Variants in DNM2 observed in about 807,000 individuals in gnomAD.
DNM2 encodes dynamin 2, also known as dynamin-2.
A neutral mutation model predicts 99.0 loss-of-function variants in DNM2; 15 were observed. The ratio of observed to expected loss-of-function variants is 0.15; its 90% CI spans 0.10 to 0.23. DNM2 has a LOEUF of 0.23. Among genes scored for constraint, DNM2 ranks in the 10% least tolerant of loss-of-function variants. The pLI, the probability that DNM2 is intolerant of heterozygous loss-of-function variation, is 1.00. For synonymous variants in DNM2, 525 were observed against 481.2 expected (o/e 1.09, Z -1.19); for missense variants, 742 against 1,189.4 (o/e 0.62, Z 5.53).
chr19:10,790,428 T>G (rs1334073964), intron 7 of DNM2, among the ~76,000 whole-genome samples: 2 of 152,182 alleles, frequency 1.3e-5, no homozygotes, highest in Admixed American at 1.3e-4. Flanking sequence ...GTGTTTAAAA[T>G]TGATTTTTAA....
chr19:10,777,762 T>G (rs1457109632), intron 5 of DNM2, among the ~76,000 whole-genome samples: 1 of 151,708 alleles, frequency 6.6e-6, no homozygotes, highest in Non-Finnish European at 1.5e-5. Context: ...GCCCAGCTAG[T>G]TTTTGTATTT....
chr19:10,785,946 C>A (rs917858994), intron 6 of DNM2, among the ~76,000 whole-genome samples: 1 of 151,702 alleles, frequency 6.6e-6, no homozygotes, highest in Admixed American at 6.6e-5. Flanking sequence ...CTACAGGCAC[C>A]CACCACCACA....
At chr19:10,718,570 G>A (rs1190814429) in intron 1 of DNM2, 167 bp downstream of exon 1, 25 of 1,048,990 alleles carry the variant, frequency 2.4e-5, no homozygotes, top group Non-Finnish European at 3.0e-5. Flanking sequence ...CCTGGGCAGA[G>A]GACTCCCTGC....
chr19:10,824,097 AG>A (rs1245500184), intron 17 of DNM2, 198 bp downstream of exon 17: 24 of 601,618 alleles, frequency 4.0e-5, no homozygotes, highest in Non-Finnish European at 6.3e-5. Flanking sequence ...CCCTCACGGA[AG>A]CCAGTGACCG....
At chr19:10,724,524 C>T (rs1474317442) in intron 1 of DNM2, among the ~76,000 whole-genome samples, 1 of 152,120 alleles carries the variant, frequency 6.6e-6, no homozygotes, top group East Asian at 1.9e-4. Flanking sequence ...TTGAGCAGAG[C>T]CTTGAAGGAG....
At chr19:10,803,561 G>A in intron 12 of DNM2, 1 of 929,692 alleles carries the variant, frequency 1.1e-6, no homozygotes, top group Non-Finnish European at 1.3e-6. Flanking sequence ...TTCATCCACA[G>A]TTCCTTCTCA....
chr19:10,757,778 A>G (rs1242572656), intron 1 of DNM2, among the ~76,000 whole-genome samples: 5 of 151,898 alleles, frequency 3.3e-5, no homozygotes, highest in Admixed American at 2.6e-4. Flanking sequence ...CCCTGTCTCT[A>G]CTAAAAATAC....
In DNM2 at chr19:10,774,544, A is replaced by G. The variant is rs571309472; in HGVS notation, c.386-1159A>G. 3.2e-3 allele frequency among the ~76,000 whole-genome samples: 483 copies of G among 152,222 alleles called. 1 individual carries two copies. Among genetic ancestry groups the G allele is most frequent in the African/African-American group, 0.011 (468 of 41,524 alleles). On this transcript the variant is annotated intron_variant, in intron 3 of 20. Transcript: ENST00000389253. Reference sequence around the variant, plus strand: ...CGGGTTCAAGTGATTCTCCTGCCTCAGCCCCCTGAGTAGCTGGGATTACAG... The same window carrying G: ...CGGGTTCAAGTGATTCTCCTGCCTCGGCCCCCTGAGTAGCTGGGATTACAG...
At position 10,775,032 on chromosome 19, in the gene DNM2, A is replaced by G. The variant is rs1440606399; in HGVS notation, c.386-671A>G. On this transcript the variant is annotated intron_variant, in intron 3 of 20. Transcript: ENST00000389253. This position sits in a 1 kb window ranked among gnomAD's most constrained non-coding sequence, Gnocchi z 4.3. ...GTGATCTACCCATCATGGCCTCCCA[A>G]AGTGCTGGGATGACAGGCATGAGTC... Among the ~76,000 whole-genome samples the G allele has an allele frequency of 6.6e-6, 1 of 151,966 alleles. No individual in the cohort carries two copies. Among genetic ancestry groups the G allele is most frequent in the Admixed American group, 6.6e-5 (1 of 15,236 alleles).
intron 2 of DNM2, among the ~76,000 whole-genome samples, chr19:10,771,510 G>A (rs1472016420): frequency 1.4e-5 from 2 of 146,282 alleles, no homozygotes; most frequent in Non-Finnish European, 3.0e-5. Flanking sequence ...CAGCTCTGAG[G>A]AGGCGGCAGG....
At chr19:10,762,486 T>C (rs989067579) in intron 2 of DNM2, among the ~76,000 whole-genome samples, 1 of 152,164 alleles carries the variant, frequency 6.6e-6, no homozygotes, top group Non-Finnish European at 1.5e-5. Context: ...CTGTGTTTCC[T>C]GTCTGGACAG....
At chr19:10,739,096 C>T (rs1045970196) in intron 1 of DNM2, among the ~76,000 whole-genome samples, 20 of 152,146 alleles carry the variant, frequency 1.3e-4, no homozygotes, top group Admixed American at 1.2e-3. Context: ...TGGCTTGAAT[C>T]CTGGAGGAGG....
intron 19 of DNM2, among the ~76,000 whole-genome samples, chr19:10,829,729 G>A (rs886704760): frequency 6.6e-6 from 1 of 152,166 alleles, no homozygotes; most frequent in African/African-American, 2.4e-5. Context: ...CAGAGCCCTG[G>A]GGGAGCCATG....
chr19:10,754,757 T>C (rs889943276), intron 1 of DNM2, among the ~76,000 whole-genome samples: 1 of 150,216 alleles, frequency 6.7e-6, no homozygotes, highest in Non-Finnish European at 1.5e-5. Flanking sequence ...CCGCAGTGAA[T>C]TACTTTTTAC....
chr19:10,731,239 G>A (rs1285676764), intron 1 of DNM2, among the ~76,000 whole-genome samples: 1 of 152,112 alleles, frequency 6.6e-6, no homozygotes, highest in Admixed American at 6.5e-5. Flanking sequence ...GGATACACAG[G>A]GTCCTTCTAG....
In DNM2 at chr19:10,816,611, G is replaced by A. The variant is rs933217439; in HGVS notation, c.1672-3369G>A. ...CTTTCTCTTTTTCTCCCCTCTTTCC[G>A]CCTTGCAGTGAGAAACCAGCCTGCG... On this transcript the variant is annotated intron_variant, in intron 15 of 20. Coordinates refer to ENST00000389253, the MANE Select transcript of DNM2 (RefSeq NM_001005361.3). This position sits in a 1 kb window ranked among gnomAD's most constrained non-coding sequence, Gnocchi z 4.6. Among the ~76,000 whole-genome samples the A allele has an allele frequency of 4.6e-5, 7 of 152,208 alleles. No individual in the cohort carries two copies. Among genetic ancestry groups the A allele is most frequent in the East Asian group, 1.9e-4 (1 of 5,158 alleles).
intron 2 of DNM2, among the ~76,000 whole-genome samples, chr19:10,766,776 T>C (rs960445871): frequency 2.0e-4 from 30 of 152,106 alleles, no homozygotes; most frequent in African/African-American, 6.8e-4. Flanking sequence ...CGAGGACGGC[T>C]GACTCCCTGG....
intron 17 of DNM2, chr19:10,824,299 C>T (rs1413854848): frequency 2.6e-5 from 7 of 264,598 alleles, no homozygotes; most frequent in Admixed American, 4.8e-5. Context: ...CTCAGGGGTT[C>T]GAAACCAGCC....
At chr19:10,787,783 T>C (rs1460500151) in intron 7 of DNM2, among the ~76,000 whole-genome samples, 2 of 148,652 alleles carry the variant, frequency 1.3e-5, no homozygotes, top group Non-Finnish European at 3.0e-5. Context: ...TGCAAAATTA[T>C]CCAGGCATGG....
Sources: gnomAD v4.1 joint callset for allele counts (sites outside exome capture counted in the v4.1 genomes callset) on GRCh38, gnomAD v4.1.1 for gene constraint, Gnocchi (gnomAD v3.1) non-coding constraint, MANE v1.5 for transcripts, NCBI Gene and HGNC (gene_info 2026-07-23, HGNC 2026-07-21) for gene names.